The following FBH1 variants were observed in gnomAD, a reference collection of about 807,000 sequenced individuals.
FBH1 encodes F-box DNA helicase 1, also known as DNA 3'-5' helicase 1.
A neutral mutation model predicts 115.5 loss-of-function variants in FBH1; 43 were observed. That is an observed-to-expected ratio of 0.37 (90% CI 0.29 to 0.48). FBH1 has a LOEUF of 0.48. Among genes scored for constraint, FBH1 ranks in the 20% least tolerant of loss-of-function variants. FBH1 has a pLI of 0.99. For synonymous variants in FBH1, 524 were observed against 507.8 expected (o/e 1.03, Z -0.43); for missense variants, 1,001 against 1,337.3 (o/e 0.75, Z 3.92).
intron 18 of FBH1, among the ~76,000 whole-genome samples, 167 bp from the exon 19 acceptor site, chr10:5,927,268 T>C (rs1832712146): frequency 6.6e-6 from 1 of 152,186 alleles, no homozygotes. Flanking sequence ...TTTGGTTTGT[T>C]TTTGGAATTG....
chr10:5,904,517 G>A (rs1843579982), intron 2 of FBH1, among the ~76,000 whole-genome samples: 1 of 152,156 alleles, frequency 6.6e-6, no homozygotes, highest in Non-Finnish European at 1.5e-5. Flanking sequence ...ACCACGTGGT[G>A]ACATCTCAGT....
At chr10:5,902,781 G>C (rs997316072) in intron 1 of FBH1, among the ~76,000 whole-genome samples, 1 of 150,988 alleles carries the variant, frequency 6.6e-6, no homozygotes, top group Non-Finnish European at 1.5e-5. Context: ...GAAAGTATAA[G>C]TAGAAAAAAA....
chr10:5,914,756 T>C lies in FBH1; in HGVS notation c.1396+487T>C, dbSNP rs763797126. Among the ~76,000 whole-genome samples the C allele has an allele frequency of 4.6e-5, 7 of 152,238 alleles. No homozygotes were observed. Among genetic ancestry groups the C allele is most frequent in the Non-Finnish European group, 8.8e-5 (6 of 68,038 alleles). On this transcript the variant is annotated intron_variant, in intron 8 of 20. Coordinates refer to ENST00000362091, the MANE Select transcript of FBH1 (RefSeq NM_178150.3). The surrounding 1 kb of genome is among the most constrained non-coding windows in gnomAD (Gnocchi z 5.2). Reference sequence around the variant, plus strand: ...ACAGCCTCCTGAAGTACTTGGTTACTCTTTCATCACAGCCTTTGCTCGTGC... The same window carrying C: ...ACAGCCTCCTGAAGTACTTGGTTACCCTTTCATCACAGCCTTTGCTCGTGC...
rs1843693361 is a variant in FBH1 at position 5,906,395 on chromosome 10, G to A, written c.516G>A (p.Arg172=). Residue 172 remains arginine, a synonymous_variant, in exon 3 of 21, where the codon CGG becomes CGA. Coordinates refer to ENST00000362091, the MANE Select transcript of FBH1 (RefSeq NM_178150.3). The surrounding 1 kb of genome is among the most constrained non-coding windows in gnomAD (Gnocchi z 7.3). ...ARQEAEDSTS[R]LSAESGETDQ... ...AAGAAGCAGAGGACAGTACGTCTCGGCTCTCTGCGGAGTCTGGTGAAACCG... is the reference window on the plus strand; with the variant it reads ...AAGAAGCAGAGGACAGTACGTCTCGACTCTCTGCGGAGTCTGGTGAAACCG... 6.2e-7 allele frequency: 1 copy of A among 1,614,000 alleles called. No individual in the cohort carries two copies. Among genetic ancestry groups the A allele is most frequent in the African/African-American group, 1.3e-5 (1 of 74,952 alleles).
At chr10:5,908,286 C>T (rs1843850386) in intron 3 of FBH1, among the ~76,000 whole-genome samples, 2 of 152,198 alleles carry the variant, frequency 1.3e-5, no homozygotes, top group Admixed American at 6.5e-5. Flanking sequence ...CAGTATTTAA[C>T]AGACAGAATT....
Position 5,924,218 on chromosome 10 carries a change from T to C in FBH1, c.2399-93T>C, listed in dbSNP as rs2132064397. 7.9e-7 allele frequency: 1 copy of C among 1,272,204 alleles called. No homozygotes were observed. The highest frequency in any genetic ancestry group is 1.1e-6 in the Non-Finnish European group (1 of 895,910). 78.8% of individuals were successfully genotyped at this position (1,272,204 alleles called of 1,614,324 possible). A position where few individuals can be genotyped will look rare whatever the true frequency, so the allele number is the denominator to read the frequency against. On this transcript the variant is annotated intron_variant, in intron 16 of 20. Coordinates refer to ENST00000362091, the MANE Select transcript of FBH1 (RefSeq NM_178150.3). This position sits in a 1 kb window ranked among gnomAD's most constrained non-coding sequence, Gnocchi z 6.2. ...CGGGTCTCCCCACTTTAAGACCATCTGCTCTTGCGCAGCTGCTTAGGAACG... is the reference window on the plus strand; with the variant it reads ...CGGGTCTCCCCACTTTAAGACCATCCGCTCTTGCGCAGCTGCTTAGGAACG...
intron 1 of FBH1, among the ~76,000 whole-genome samples, chr10:5,899,036 A>AT (rs1843175827): frequency 1.3e-5 from 2 of 152,214 alleles, no homozygotes; most frequent in African/African-American, 2.4e-5. Flanking sequence ...TTCACCCTGC[A>AT]TGTGTAGGTA....
chr10:5,907,562 C>T, intron 3 of FBH1, among the ~76,000 whole-genome samples: 1 of 151,302 alleles, frequency 6.6e-6, no homozygotes, highest in Non-Finnish European at 1.5e-5. Flanking sequence ...CAACCTCCAC[C>T]TCCCAAGTTC....
rs1304858909 is a variant in FBH1 at position 5,936,542 on chromosome 10, C to T, written c.2916C>T (p.Ile972=). ...GCGTGGGACAGTGCAACAATGCCAT[C>T]CCTGTTGACACCGTCCTTACCATGA... is the stretch of plus-strand genomic sequence containing the variant. The part of the protein sequence containing the change: ...RCCVGQCNNA[I]PVDTVLTMKK... Residue 972 remains isoleucine, a synonymous_variant, in exon 20 of 21, where the codon ATC becomes ATT. Coordinates refer to ENST00000362091, the MANE Select transcript of FBH1 (RefSeq NM_178150.3). The surrounding 1 kb of genome is among the most constrained non-coding windows in gnomAD (Gnocchi z 5.6). 6.2e-7 allele frequency: 1 copy of T among 1,614,054 alleles called. No homozygotes were observed. Among genetic ancestry groups the T allele is most frequent in the Non-Finnish European group, 8.5e-7 (1 of 1,180,018 alleles).
At chr10:5,890,000 A>T (rs575212860), upstream of FBH1, 75 of 236,204 alleles carry the variant, frequency 3.2e-4, no homozygotes, top group African/African-American at 1.7e-3. Flanking sequence ...ACTCTGGGAA[A>T]GTTTCCCGCT....
rs1842957060 is a variant in FBH1 at position 5,895,549 on chromosome 10, T to A, written c.1+5203T>A. ...CCTGAATGGTTAGGGTAAGCTTTGC[T>A]GCAGTGACAAATAGATCCAGACATG... On this transcript the variant is annotated intron_variant, in intron 1 of 20. Transcript: ENST00000362091. This position sits in a 1 kb window ranked among gnomAD's most constrained non-coding sequence, Gnocchi z 5.0. Among the ~76,000 whole-genome samples the A allele has an allele frequency of 1.3e-5, 2 of 152,172 alleles. No homozygotes were observed. Among genetic ancestry groups the A allele is most frequent in the African/African-American group, 4.8e-5 (2 of 41,440 alleles).
chr10:5,890,622 C>T lies in FBH1; in HGVS notation c.1+276C>T, dbSNP rs1034973178. 1.1e-4 allele frequency among the ~76,000 whole-genome samples: 17 copies of T among 151,226 alleles called. 1 individual carries two copies. Among genetic ancestry groups the T allele is most frequent in the Admixed American group, 7.2e-4 (11 of 15,204 alleles). On this transcript the variant is annotated intron_variant, in intron 1 of 20. Coordinates refer to ENST00000362091, the MANE Select transcript of FBH1 (RefSeq NM_178150.3). ...GCGCTGCCCCCCGAGGCCAGGAAGG[C>T]GCAGCGTGTGGGTCCTCGGGGCTGA... is the stretch of plus-strand genomic sequence containing the variant.
At chr10:5,894,151 A>G in intron 1 of FBH1, 2 of 985,424 alleles carry the variant, frequency 2.0e-6, no homozygotes, top group Non-Finnish European at 2.4e-6. Flanking sequence ...GCTCTGCGTC[A>G]GTGAATACCT....
At position 5,911,540 on chromosome 10, in the gene FBH1, G is replaced by A. The variant is rs563683025; in HGVS notation, c.1211+412G>A. ...TATCCTCCATGCGGGAGAGGCTATG[G>A]CGTGTCGGCTGCTGATTCACAGGGG... On this transcript the variant is annotated intron_variant, in intron 6 of 20. Coordinates refer to ENST00000362091, the MANE Select transcript of FBH1 (RefSeq NM_178150.3). The surrounding 1 kb of genome is among the most constrained non-coding windows in gnomAD (Gnocchi z 5.4). Among the ~76,000 whole-genome samples, 27 of 152,310 alleles carry A rather than the reference G, an allele frequency of 1.8e-4. No homozygotes were observed. Among genetic ancestry groups the A allele is most frequent in the African/African-American group, 6.0e-4 (25 of 41,556 alleles).
chr10:5,893,936 G>A, intron 1 of FBH1: 1 of 943,024 alleles, frequency 1.1e-6, no homozygotes, highest in Non-Finnish European at 1.3e-6. Flanking sequence ...CATAAGTAGT[G>A]ATCTTTCTCT....
chr10:5,930,014 A>G (rs1318096395), intron 19 of FBH1: 2 of 152,218 alleles, frequency 1.3e-5, no homozygotes, highest in East Asian at 3.8e-4. Flanking sequence ...CAGAGCAGTG[A>G]TATCATCTCA....
Position 5,924,734 on chromosome 10 carries a change from T to A in FBH1, c.2596+226T>A, listed in dbSNP as rs1401542586. ...AGGCCCCACCACCAGCCCGGCTAGTTTGTGTATTTTTTGTAGAGATGGAGT... is the reference window on the plus strand; with the variant it reads ...AGGCCCCACCACCAGCCCGGCTAGTATGTGTATTTTTTGTAGAGATGGAGT... On this transcript the variant is annotated intron_variant, in intron 17 of 20. Coordinates refer to ENST00000362091, the MANE Select transcript of FBH1 (RefSeq NM_178150.3). The surrounding 1 kb of genome is among the most constrained non-coding windows in gnomAD (Gnocchi z 6.2). The A allele has an allele frequency of 1.7e-6, 1 of 582,774 alleles. No homozygotes were observed. The highest frequency in any genetic ancestry group is 4.0e-5 in the East Asian group (1 of 25,298). 36.1% of individuals were successfully genotyped at this position (582,774 alleles called of 1,614,324 possible). A position where few individuals can be genotyped will look rare whatever the true frequency, so the allele number is the denominator to read the frequency against.
In FBH1 at chr10:5,925,267, A is replaced by G. The variant is rs185287124; in HGVS notation, c.2597-100A>G. The G allele has an allele frequency of 1.3e-5, 19 of 1,455,142 alleles. No homozygotes were observed. The highest frequency in any genetic ancestry group is 1.2e-4 in the Admixed American group (6 of 51,254). 90.1% of individuals were successfully genotyped at this position (1,455,142 alleles called of 1,614,324 possible). A position where few individuals can be genotyped will look rare whatever the true frequency, so the allele number is the denominator to read the frequency against. On this transcript the variant is annotated intron_variant, in intron 17 of 20. Transcript: ENST00000362091. This position sits in a 1 kb window ranked among gnomAD's most constrained non-coding sequence, Gnocchi z 4.6. ...CTACAAAACTGCACTGAGGCAAGAA[A>G]TGTTCGAGTTCAGAGTCAAGTGGGA... is the stretch of plus-strand genomic sequence containing the variant.
In FBH1 at chr10:5,909,058, G is replaced by A. The variant is rs769213130; in HGVS notation, c.884+3G>A. On this transcript the variant is annotated splice_donor_region_variant and intron_variant, in intron 4 of 20. Transcript: ENST00000362091. The surrounding 1 kb of genome is among the most constrained non-coding windows in gnomAD (Gnocchi z 4.4). ...CTGTGTGTGCTGAACCTCATACGGT[G>A]AGCTTTGCCTGTGCTGTAAAGAAGG... 3.0e-5 allele frequency: 49 copies of A among 1,613,996 alleles called. No individual in the cohort carries two copies. The highest frequency in any genetic ancestry group is 3.6e-5 in the Non-Finnish European group (42 of 1,180,036).
Sources: gnomAD v4.1 joint callset for allele counts (sites outside exome capture counted in the v4.1 genomes callset) on GRCh38, gnomAD v4.1.1 for gene constraint, Gnocchi (gnomAD v3.1) non-coding constraint, MANE v1.5 for transcripts, NCBI Gene and HGNC (gene_info 2026-07-23, HGNC 2026-07-21) for gene names.